The following PRKCQ variants were observed in gnomAD, a reference collection of about 807,000 sequenced individuals.
The protein encoded by PRKCQ is protein kinase C theta type.
A neutral mutation model predicts 91.2 loss-of-function variants in PRKCQ; 41 were observed. That is an observed-to-expected ratio of 0.45 (90% CI 0.35 to 0.58). PRKCQ has a LOEUF of 0.58. Ranked by LOEUF, PRKCQ falls within the 20% of genes least tolerant of loss-of-function variation. PRKCQ has a pLI of 0.00. For missense variants in PRKCQ, 673 were observed against 896.5 expected, an observed-to-expected ratio of 0.75 and a Z score of 3.18; for synonymous variants, 307 against 316.9, an observed-to-expected ratio of 0.97 and a Z score of 0.33.
intron 1 of PRKCQ, among the ~76,000 whole-genome samples, chr10:6,547,510 C>G (rs1840006763): frequency 6.6e-6 from 1 of 152,080 alleles, no homozygotes; most frequent in Non-Finnish European, 1.5e-5. Flanking sequence ...ACCAAAACAG[C>G]ATGGTACTGG....
At chr10:6,562,111 AAG>A (rs1330020575) in intron 1 of PRKCQ, among the ~76,000 whole-genome samples, 1 of 152,172 alleles carries the variant, frequency 6.6e-6, no homozygotes, top group East Asian at 1.9e-4. Flanking sequence ...CCGGAAAGGA[AAG>A]AGAGAGGGAT....
intron 1 of PRKCQ, among the ~76,000 whole-genome samples, chr10:6,575,334 T>C (rs1040420758): frequency 9.9e-5 from 15 of 152,218 alleles, no homozygotes; most frequent in Admixed American, 2.0e-4. Flanking sequence ...CCTGCTCTGA[T>C]AACATACAAA....
chr10:6,450,696 T>G (rs1045868852), intron 15 of PRKCQ, among the ~76,000 whole-genome samples: 4 of 152,088 alleles, frequency 2.6e-5, no homozygotes, highest in African/African-American at 4.8e-5. Context: ...CCTCAGCAAA[T>G]GTAAAAGAAC....
intron 1 of PRKCQ, among the ~76,000 whole-genome samples, chr10:6,547,172 C>G (rs1327770453): frequency 6.6e-6 from 1 of 152,126 alleles, no homozygotes; most frequent in Non-Finnish European, 1.5e-5. Flanking sequence ...ATCCAACTTA[C>G]AAGGGACGTG....
chr10:6,470,461 T>C (rs993039310), intron 12 of PRKCQ, among the ~76,000 whole-genome samples: 12 of 152,176 alleles, frequency 7.9e-5, no homozygotes, highest in African/African-American at 2.7e-4. Flanking sequence ...TACAACGTAA[T>C]GTTGGGTCTA....
chr10:6,421,217 GC>G, the PRKCQ span, among the ~76,000 whole-genome samples: 1 of 152,202 alleles, frequency 6.6e-6, no homozygotes, highest in African/African-American at 2.4e-5. The surrounding 1 kb of genome is among the most constrained non-coding windows in gnomAD (Gnocchi z 4.1). Flanking sequence ...GGGCATGGTA[GC>G]TCATGCCTGT....
At chr10:6,568,556 G>T (rs1840918431) in intron 1 of PRKCQ, among the ~76,000 whole-genome samples, 1 of 146,812 alleles carries the variant, frequency 6.8e-6, no homozygotes. Context: ...GGACTGCAGT[G>T]GCGTGATCTT....
intron 16 of PRKCQ, among the ~76,000 whole-genome samples, chr10:6,438,622 G>A (rs1336044240): frequency 6.6e-6 from 1 of 152,052 alleles, no homozygotes; most frequent in Non-Finnish European, 1.5e-5. Flanking sequence ...GGGGGACAGG[G>A]TCTTGCTCTG....
At chr10:6,504,370 G>A (rs1312916339) in intron 4 of PRKCQ, among the ~76,000 whole-genome samples, 2 of 152,150 alleles carry the variant, frequency 1.3e-5, no homozygotes, top group African/African-American at 4.8e-5. Context: ...TCCAACATCT[G>A]TCTCTGACTC....
At chr10:6,531,459 C>T (rs999911360) in intron 1 of PRKCQ, among the ~76,000 whole-genome samples, 6 of 151,230 alleles carry the variant, frequency 4.0e-5, no homozygotes, top group South Asian at 2.1e-4. Context: ...CAACAACCTA[C>T]GATGACAGGC....
chr10:6,416,113 T>G, the PRKCQ span, among the ~76,000 whole-genome samples: 1 of 152,188 alleles, frequency 6.6e-6, no homozygotes, highest in Non-Finnish European at 1.5e-5. Context: ...CCTGTAGGAA[T>G]CAAATATTTA....
chr10:6,428,939 G>A (rs1037987355), intron 17 of PRKCQ, among the ~76,000 whole-genome samples: 4 of 152,166 alleles, frequency 2.6e-5, no homozygotes, highest in African/African-American at 9.7e-5. Context: ...TGGTCCATTG[G>A]TTTTCATGGC....
chr10:6,413,641 A>G, the PRKCQ span, among the ~76,000 whole-genome samples: 4 of 129,484 alleles, frequency 3.1e-5, no homozygotes, highest in African/African-American at 1.3e-4. Flanking sequence ...ACTTGTGCAC[A>G]CACACACACA....
intron 14 of PRKCQ, among the ~76,000 whole-genome samples, chr10:6,457,961 C>A (rs1367503916): frequency 1.3e-5 from 2 of 150,738 alleles, no homozygotes; most frequent in African/African-American, 2.4e-5. Flanking sequence ...TTTTTTTTCC[C>A]CTGAGACGAG....
Position 6,485,177 on chromosome 10 carries a change from T to C in PRKCQ, c.993A>G (p.Pro331=), listed in dbSNP as rs780551777. The part of the protein sequence containing the change: ...PCSIKNEARP[P]CLPTPGKREP... The stretch of plus-strand genomic sequence containing the variant: ...CTCTTTTTCCCGGTGTCGGTAAACA[T>C]GGCGGCCTTGCTTCATTTTTGATGG... Residue 331 remains proline, a synonymous_variant, in exon 10 of 18, where the codon CCA becomes CCG. Transcript: ENST00000263125. The C allele has an allele frequency of 2.5e-6, 4 of 1,614,052 alleles. No individual in the cohort carries two copies. The highest frequency in any genetic ancestry group is 3.4e-6 in the Non-Finnish European group (4 of 1,179,952).
At chr10:6,565,017 A>G (rs1181957335) in intron 1 of PRKCQ, among the ~76,000 whole-genome samples, 1 of 152,264 alleles carries the variant, frequency 6.6e-6, no homozygotes, top group Non-Finnish European at 1.5e-5. Flanking sequence ...CTTGCAAAAG[A>G]CTAAGAAAAT....
At chr10:6,428,676 C>T (rs1345345965) in intron 17 of PRKCQ, among the ~76,000 whole-genome samples, 2 of 152,026 alleles carry the variant, frequency 1.3e-5, no homozygotes, top group Non-Finnish European at 2.9e-5. Context: ...AAAAGTGATC[C>T]ACCTGAATTT....
the PRKCQ span, among the ~76,000 whole-genome samples, chr10:6,402,379 A>G: frequency 1.3e-5 from 2 of 148,918 alleles, no homozygotes; most frequent in Non-Finnish European, 3.0e-5. Flanking sequence ...GCCAAAAAAA[A>G]AAAAAAAAAA....
In PRKCQ at chr10:6,505,045, T is replaced by C. The variant is rs761275485; in HGVS notation, c.379+2391A>G. Among the ~76,000 whole-genome samples the C allele has an allele frequency of 2.0e-5, 3 of 151,840 alleles. No individual in the cohort carries two copies. The East Asian group carries it at 5.8e-4, about 29-fold the overall frequency. On this transcript the variant is annotated intron_variant, in intron 4 of 17. Coordinates refer to ENST00000263125, the MANE Select transcript of PRKCQ (RefSeq NM_006257.5). Reference sequence around the variant, plus strand: ...AGTAGCTGGGACTACAGGCACACACTGCCATACCCGGCTAATTTTTTGTAT... The same window carrying C: ...AGTAGCTGGGACTACAGGCACACACCGCCATACCCGGCTAATTTTTTGTAT...
Sources: gnomAD v4.1 joint callset for allele counts (sites outside exome capture counted in the v4.1 genomes callset) on GRCh38, gnomAD v4.1.1 for gene constraint, Gnocchi (gnomAD v3.1) non-coding constraint, MANE v1.5 for transcripts, NCBI Gene and HGNC (gene_info 2026-07-23, HGNC 2026-07-21) for gene names.